FAM161A: variants seen among roughly 807,000 people sequenced by gnomAD.
FAM161A encodes FAM161 centrosomal protein A, also known as protein FAM161A.
In FAM161A, 57 loss-of-function variants were observed where a neutral mutation model predicts 70.9. That is an observed-to-expected ratio of 0.80 (90% CI 0.65 to 1.00). The LOEUF (loss-of-function observed/expected upper bound fraction) is 1.00, where lower values mean the gene tolerates loss of function less well. Among genes scored for constraint, FAM161A ranks in the 50% least tolerant of loss-of-function variants. The pLI is 0.00. For synonymous variants in FAM161A, 299 were observed against 295.7 expected (o/e 1.01, Z -0.12); for missense variants, 880 against 836.0 (o/e 1.05, Z -0.65).
At chr2:61,853,301 C>T (rs925889954) in intron 1 of FAM161A, among the ~76,000 whole-genome samples, 6 of 152,156 alleles carry the variant, frequency 3.9e-5, no homozygotes, top group African/African-American at 1.2e-4. Context: ...ACAATGAAAA[C>T]TGATCAGTGA....
the FAM161A span, among the ~76,000 whole-genome samples, chr2:61,819,338 C>CTA: frequency 6.6e-6 from 1 of 152,102 alleles, no homozygotes; most frequent in African/African-American, 2.4e-5. Flanking sequence ...GTGGCGCATG[C>CTA]CTGTAGTCCC....
chr2:61,833,119 A>C (rs143738014), intron 5 of FAM161A, among the ~76,000 whole-genome samples: 79 of 152,068 alleles, frequency 5.2e-4, no homozygotes, highest in African/African-American at 1.6e-3. Flanking sequence ...CACAAGAAAA[A>C]ATTTTTTTAA....
At chr2:61,830,943 GA>G (rs1435918373) in intron 5 of FAM161A, among the ~76,000 whole-genome samples, 4 of 150,328 alleles carry the variant, frequency 2.7e-5, no homozygotes, top group African/African-American at 9.8e-5. Context: ...ACTTCGTCTT[GA>G]CTAAAAATAC....
downstream of FAM161A, among the ~76,000 whole-genome samples, chr2:61,823,874 A>G (rs1672264080): frequency 6.6e-6 from 1 of 152,192 alleles, no homozygotes; most frequent in African/African-American, 2.4e-5. Flanking sequence ...ATAAGTAAAA[A>G]GAATTCTGGA....
chr2:61,807,577 G>GTCCC, the FAM161A span, among the ~76,000 whole-genome samples: 1 of 150,176 alleles, frequency 6.7e-6, no homozygotes, highest in Non-Finnish European at 1.5e-5. Flanking sequence ...CAAAGTGGGG[G>GTCCC]ACTTTGCAGA....
intron 5 of FAM161A, among the ~76,000 whole-genome samples, chr2:61,831,747 C>T (rs1053593069): frequency 6.6e-6 from 1 of 152,122 alleles, no homozygotes; most frequent in African/African-American, 2.4e-5. Flanking sequence ...ATATAAAGTG[C>T]TTAGTGGAGT....
At chr2:61,836,198 A>G in intron 4 of FAM161A, 89 bp from the exon 5 acceptor site, 3 of 931,208 alleles carry the variant, frequency 3.2e-6, no homozygotes, top group Non-Finnish European at 5.1e-6. Flanking sequence ...CAACTTGTAC[A>G]AAGTCAATGA....
At chr2:61,821,904 G>A (rs1672210563), downstream of FAM161A, among the ~76,000 whole-genome samples, 1 of 151,752 alleles carries the variant, frequency 6.6e-6, no homozygotes, top group South Asian at 2.1e-4. Flanking sequence ...TGGGTAGCTG[G>A]GATTACAGAT....
chr2:61,846,798 T>C, intron 1 of FAM161A: 1 of 367,500 alleles, frequency 2.7e-6, no homozygotes, highest in Non-Finnish European at 5.5e-6. Flanking sequence ...TGTCGGCTTG[T>C]GTCAGTCTAG....
At chr2:61,808,745 G>A in the FAM161A span, among the ~76,000 whole-genome samples, 1 of 152,180 alleles carries the variant, frequency 6.6e-6, no homozygotes, top group African/African-American at 2.4e-5. Flanking sequence ...CTTTGGGGAA[G>A]GGGAGGAATC....
intron 5 of FAM161A, among the ~76,000 whole-genome samples, chr2:61,831,525 G>A (rs1672574569): frequency 6.6e-6 from 1 of 152,140 alleles, no homozygotes; most frequent in African/African-American, 2.4e-5. Context: ...GACTTTAAGG[G>A]TCTCAAGGGA....
At chr2:61,853,737 G>A (rs986631514) in intron 1 of FAM161A, 122 bp downstream of exon 1, 8 of 1,022,274 alleles carry the variant, frequency 7.8e-6, no homozygotes, top group Non-Finnish European at 1.2e-5. Flanking sequence ...CCACCAAGTA[G>A]GGACTATGTG....
intron 1 of FAM161A, among the ~76,000 whole-genome samples, chr2:61,848,826 ATC>A (rs10554229): frequency 0.28 from 1,784 of 6,404 alleles, 569 homozygotes; most frequent in East Asian, 0.78. Context: ...ATATATATAT[ATC>A]TATATATATT....
the FAM161A span, among the ~76,000 whole-genome samples, chr2:61,814,051 G>T: frequency 6.6e-6 from 1 of 152,080 alleles, no homozygotes; most frequent in East Asian, 1.9e-4. Context: ...GATGCATCCT[G>T]GAGGCAGCAA....
chr2:61,815,419 T>C, the FAM161A span, among the ~76,000 whole-genome samples: 2 of 151,996 alleles, frequency 1.3e-5, no homozygotes, highest in South Asian at 2.1e-4. Context: ...AATGTCCTGA[T>C]GGCCAACTGT....
chr2:61,809,684 T>C, the FAM161A span, among the ~76,000 whole-genome samples: 282 of 152,326 alleles, frequency 1.9e-3, no homozygotes, highest in African/African-American at 6.1e-3. Context: ...TCCTTTGCAA[T>C]GTGACTTTGA....
At chr2:61,843,765 A>AT (rs909172736) in intron 1 of FAM161A, among the ~76,000 whole-genome samples, 1 of 151,982 alleles carries the variant, frequency 6.6e-6, no homozygotes, top group South Asian at 2.1e-4. Flanking sequence ...AAGATATGGT[A>AT]TTTTTTTTAA....
At chr2:61,802,249 CT>C in the FAM161A span, among the ~76,000 whole-genome samples, 7 of 152,182 alleles carry the variant, frequency 4.6e-5, no homozygotes, top group Admixed American at 4.6e-4. Flanking sequence ...TGTGCTCCCA[CT>C]TTGTTCCTTC....
the FAM161A span, among the ~76,000 whole-genome samples, chr2:61,807,852 G>T: frequency 2.0e-5 from 3 of 152,046 alleles, no homozygotes; most frequent in African/African-American, 4.8e-5. Context: ...TGTTGTCCAG[G>T]CTGGTCTCAA....
Sources: gnomAD v4.1 joint callset for allele counts (sites outside exome capture counted in the v4.1 genomes callset) on GRCh38, gnomAD v4.1.1 for gene constraint, MANE v1.5 for transcripts, NCBI Gene and HGNC (gene_info 2026-07-23, HGNC 2026-07-21) for gene names.